Variants in ZNF273 observed in about 807,000 individuals in gnomAD.
ZNF273 encodes the protein zinc finger protein 273, also known as zinc finger protein 9.
A neutral mutation model predicts 14.9 loss-of-function variants in ZNF273; 11 were observed. That is an observed-to-expected ratio of 0.74 (90% confidence interval 0.46 to 1.22). The LOEUF (loss-of-function observed/expected upper bound fraction) is 1.22, where lower values mean the gene tolerates loss of function less well. Among genes scored for constraint, ZNF273 ranks in the 50% most tolerant of loss-of-function variants. The pLI is 0.00. For synonymous variants in ZNF273, 199 were observed against 223.9 expected, an observed-to-expected ratio of 0.89 and a Z score of 0.99; for missense variants, 577 against 660.6, an observed-to-expected ratio of 0.87 and a Z score of 1.39.
chr7:64,920,822 C>T (rs867926870), intron 3 of ZNF273, among the ~76,000 whole-genome samples: 3 of 152,038 alleles, frequency 2.0e-5, no homozygotes, highest in South Asian at 2.1e-4. Flanking sequence ...AAAATTCCTC[C>T]GTGAGGCGAT....
At chr7:64,903,903 T>A (rs1241164111) in intron 1 of ZNF273, among the ~76,000 whole-genome samples, 1 of 152,136 alleles carries the variant, frequency 6.6e-6, no homozygotes, top group Admixed American at 6.6e-5. Flanking sequence ...AGGAAAGACT[T>A]TTATAAGGTG....
At chr7:64,908,239 AT>A (rs550098411) in intron 1 of ZNF273, among the ~76,000 whole-genome samples, 2 of 152,032 alleles carry the variant, frequency 1.3e-5, no homozygotes, top group African/African-American at 2.4e-5. Flanking sequence ...CCACTCATGG[AT>A]TTTTTTTCCT....
At chr7:64,918,058 T>C in intron 2 of ZNF273, 139 bp from the exon 3 acceptor site, 2 of 741,026 alleles carry the variant, frequency 2.7e-6, no homozygotes, top group Non-Finnish European at 3.8e-6. Context: ...TTTAAATATT[T>C]AGAAATTTAC....
At position 64,912,826 on chromosome 7, in the gene ZNF273, G is replaced by GTT. The variant is rs71061324; in HGVS notation, c.103-4736_103-4735dup. On this transcript the variant is annotated intron_variant, in intron 1 of 3. Coordinates refer to ENST00000476120, the MANE Select transcript of ZNF273 (RefSeq NM_021148.3). ...TCTTTTTGACTCAGGATTCATTTTAGTTTTTTTTTTTTTTTTTTTTGAGAT... is the reference window on the plus strand; with the variant it reads ...TCTTTTTGACTCAGGATTCATTTTAGTTTTTTTTTTTTTTTTTTTTTTGAGAT... 7.7e-4 allele frequency among the ~76,000 whole-genome samples: 28 copies of GTT among 36,566 alleles called. 6 individuals carry two copies. The highest frequency in any genetic ancestry group is 2.0e-3 in the African/African-American group (25 of 12,200). The allele number at this position is 36,566 out of a possible 152,430, so 24.0% of individuals were successfully genotyped here. A position where few individuals can be genotyped will look rare whatever the true frequency, so the allele number is the denominator to read the frequency against.
chr7:64,922,590 G>C (rs13223958), intron 3 of ZNF273, among the ~76,000 whole-genome samples: 47,682 of 151,858 alleles, frequency 0.31, 8,512 homozygotes, highest in Non-Finnish European at 0.38. Flanking sequence ...GGGATTACAG[G>C]TGTGAGCCAC....
chr7:64,917,623 G>C lies in ZNF273; in HGVS notation c.145G>C (p.Glu49Gln). ...GGATGTGGCCATAGAATTCTCTCTG[G>C]AGGAGTGGCAATGCCTGGACACTTC... ...FRDVAIEFSL[E>Q]EWQCLDTSQQ... Residue 49 changes from glutamate to glutamine, a missense_variant, in exon 2 of 4, where the codon GAG becomes CAG. By Grantham distance (29) the Glu-to-Gln change is conservative. This residue lies in a region of ZNF273 where 162 missense variants were observed against 203.5 expected (regional missense o/e 0.80). Transcript: ENST00000476120. 6.2e-7 allele frequency: 1 copy of C among 1,600,224 alleles called. No individual in the cohort carries two copies. Among genetic ancestry groups the C allele is most frequent in the Non-Finnish European group, 8.5e-7 (1 of 1,171,352 alleles).
intron 1 of ZNF273, among the ~76,000 whole-genome samples, chr7:64,916,214 G>A (rs1180985433): frequency 6.6e-6 from 1 of 151,588 alleles, no homozygotes; most frequent in East Asian, 1.9e-4. Flanking sequence ...TGCTCTCTAC[G>A]GTGTTGAAGA....
At chr7:64,906,836 TA>T (rs34632422) in intron 1 of ZNF273, among the ~76,000 whole-genome samples, 64,322 of 150,002 alleles carry the variant, frequency 0.43, 13,872 homozygotes, top group African/African-American at 0.46. Flanking sequence ...CAAAGTTATG[TA>T]AAAAAAAAAA....
chr7:64,906,783 G>A (rs1793140074), intron 1 of ZNF273, among the ~76,000 whole-genome samples: 1 of 152,088 alleles, frequency 6.6e-6, no homozygotes, highest in Non-Finnish European at 1.5e-5. Flanking sequence ...TGGAGATGAA[G>A]TTGTTACTGT....
chr7:64,891,875 C>T (rs1792059701), downstream of ZNF273, among the ~76,000 whole-genome samples: 1 of 152,214 alleles, frequency 6.6e-6, no homozygotes, highest in Non-Finnish European at 1.5e-5. Context: ...ACATTGTCCC[C>T]TCCTTGGTGA....
Position 64,929,224 on chromosome 7 carries a change from G to T in ZNF273, c.*186G>T. On this transcript the variant is annotated 3_prime_UTR_variant, in exon 4 of 4. Coordinates refer to ENST00000476120, the MANE Select transcript of ZNF273 (RefSeq NM_021148.3). ...TATCTGCTCATATCTTAACATCAGC[G>T]AGTTGGTATTTAATAAAAGCATTAT... 6.0e-6 allele frequency: 1 copy of T among 166,126 alleles called. No individual in the cohort carries two copies. Among genetic ancestry groups the T allele is most frequent in the Non-Finnish European group, 1.1e-5 (1 of 92,296 alleles). 10.3% of individuals were successfully genotyped at this position (166,126 alleles called of 1,614,324 possible).
intron 1 of ZNF273, among the ~76,000 whole-genome samples, chr7:64,886,363 C>A (rs993516587): frequency 6.6e-6 from 1 of 152,176 alleles, no homozygotes; most frequent in Admixed American, 6.5e-5. Flanking sequence ...TGGAGCTGGA[C>A]AGAATGTAGG....
At chr7:64,920,139 C>T (rs796650025) in intron 3 of ZNF273, among the ~76,000 whole-genome samples, 3 of 146,342 alleles carry the variant, frequency 2.0e-5, no homozygotes, top group Admixed American at 6.9e-5. Flanking sequence ...TTGTAGCTTG[C>T]TCACAAGGAT....
At chr7:64,914,778 A>G (rs779953919) in intron 1 of ZNF273, among the ~76,000 whole-genome samples, 16 of 152,116 alleles carry the variant, frequency 1.1e-4, no homozygotes, top group Non-Finnish European at 1.8e-4. Context: ...TTTTCATGTC[A>G]TCTGCCTGTG....
intron 1 of ZNF273, among the ~76,000 whole-genome samples, chr7:64,886,650 A>C (rs1012004085): frequency 6.6e-6 from 1 of 152,188 alleles, no homozygotes; most frequent in Non-Finnish European, 1.5e-5. Context: ...GTAATCCCCA[A>C]TCTCCATAGT....
chr7:64,920,123 G>T (rs1036416839), intron 3 of ZNF273, among the ~76,000 whole-genome samples: 4 of 152,176 alleles, frequency 2.6e-5, no homozygotes, highest in Non-Finnish European at 4.4e-5. Context: ...TTGTAGTGGA[G>T]AGGGGTTGTA....
chr7:64,929,089 A>T lies in ZNF273; in HGVS notation c.*51A>T. On this transcript the variant is annotated 3_prime_UTR_variant, in exon 4 of 4. Transcript: ENST00000476120. ...TTAAGCGGTTGTCACACTTGATTGT[A>T]TATAAGATAATTCATACTGGAGAAA... 3 of 651,132 alleles carry T rather than the reference A, an allele frequency of 4.6e-6. No individual in the cohort carries two copies. In the South Asian group the frequency reaches 9.9e-5, roughly 22 times the overall value. 40.3% of individuals were successfully genotyped at this position (651,132 alleles called of 1,614,324 possible).
downstream of ZNF273, among the ~76,000 whole-genome samples, chr7:64,881,801 GC>G (rs1562945460): frequency 1.3e-5 from 2 of 152,184 alleles, no homozygotes; most frequent in Admixed American, 1.3e-4. Flanking sequence ...GGATCCGTGA[GC>G]TTGACTTGGA....
chr7:64,931,696 A>G (rs1306659955), downstream of ZNF273, among the ~76,000 whole-genome samples: 1 of 152,150 alleles, frequency 6.6e-6, no homozygotes, highest in Non-Finnish European at 1.5e-5. Context: ...TTCCTGAGTC[A>G]TGAGGATGCT....
Sources: gnomAD v4.1 joint callset for allele counts (sites outside exome capture counted in the v4.1 genomes callset) on GRCh38, gnomAD v4.1.1 for gene constraint, gnomAD v4.1.1 regional missense constraint, MANE v1.5 for transcripts, NCBI Gene and HGNC (gene_info 2026-07-23, HGNC 2026-07-21) for gene names.